The following PDZRN3 variants were observed in gnomAD, a reference collection of about 807,000 sequenced individuals.
The protein encoded by PDZRN3 is E3 ubiquitin-protein ligase PDZRN3.
Under a neutral mutation model 85.7 loss-of-function variants are expected in PDZRN3, and 38 were observed. That is an observed-to-expected ratio of 0.44 (90% confidence interval 0.34 to 0.58). The LOEUF (loss-of-function observed/expected upper bound fraction) is 0.58. Among genes scored for constraint, PDZRN3 ranks in the 20% least tolerant of loss-of-function variants. The probability of loss-of-function intolerance (pLI) is 0.01; values close to 1 mark genes in which losing one functional copy is unlikely to be tolerated. For missense variants in PDZRN3, 1,629 were observed against 1,506.4 expected (o/e 1.08, Z -1.35); for synonymous variants, 759 against 638.0 (o/e 1.19, Z -2.86).
At chr3:73,574,999 A>C (rs957117516) in intron 3 of PDZRN3, among the ~76,000 whole-genome samples, 1 of 152,198 alleles carries the variant, frequency 6.6e-6, no homozygotes, top group Admixed American at 6.5e-5. Flanking sequence ...TGTACAAGAG[A>C]GCAAAGTGAT....
chr3:73,464,900 T>G (rs1467074109), intron 3 of PDZRN3, among the ~76,000 whole-genome samples: 1 of 152,092 alleles, frequency 6.6e-6, no homozygotes, highest in Non-Finnish European at 1.5e-5. Context: ...CTCTTACCAC[T>G]TTTCAAGAAT....
chr3:73,555,124 A>AT lies in PDZRN3; in HGVS notation c.918+47229dup, dbSNP rs367867586. Among the ~76,000 whole-genome samples the AT allele has an allele frequency of 1.5e-3, 232 of 152,192 alleles. 2 individuals are homozygous for AT. Among genetic ancestry groups the AT allele is most frequent in the African/African-American group, 4.4e-3 (181 of 41,506 alleles). Reference sequence around the variant, plus strand: ...GGGGATTTATAGCCAATGTGTTGTTATTTTTTGAATCAGAGCCAGTAATTT... The same window carrying AT: ...GGGGATTTATAGCCAATGTGTTGTTATTTTTTTGAATCAGAGCCAGTAATTT... On this transcript the variant is annotated intron_variant, in intron 3 of 9. Transcript: ENST00000263666.
At chr3:73,586,194 C>T (rs1008449909) in intron 3 of PDZRN3, among the ~76,000 whole-genome samples, 3 of 152,218 alleles carry the variant, frequency 2.0e-5, no homozygotes, top group African/African-American at 4.8e-5. Flanking sequence ...CATTCCCCTG[C>T]TTCTAAAGAA....
At chr3:73,551,053 T>C (rs936277697) in intron 3 of PDZRN3, among the ~76,000 whole-genome samples, 2 of 152,226 alleles carry the variant, frequency 1.3e-5, no homozygotes, top group African/African-American at 4.8e-5. Context: ...TGTGATGTCA[T>C]TCATTTAAAT....
intron 5 of PDZRN3, among the ~76,000 whole-genome samples, chr3:73,395,685 C>T (rs1701621034): frequency 6.6e-6 from 1 of 152,214 alleles, no homozygotes; most frequent in African/African-American, 2.4e-5. Context: ...GTTATCTCAA[C>T]AGTTTCTGTA....
chr3:73,437,979 A>G (rs534942141), intron 3 of PDZRN3, among the ~76,000 whole-genome samples: 1 of 152,208 alleles, frequency 6.6e-6, no homozygotes, highest in Non-Finnish European at 1.5e-5. Context: ...CCCAGTAAAA[A>G]TGAAAAAACT....
chr3:73,537,544 T>C (rs1157886099), intron 3 of PDZRN3, among the ~76,000 whole-genome samples: 2 of 152,176 alleles, frequency 1.3e-5, no homozygotes, highest in Non-Finnish European at 2.9e-5. Context: ...CCACCTTCTA[T>C]GGAATGTTCT....
chr3:73,384,832 G>A lies in PDZRN3; in HGVS notation c.1734C>T (p.Thr578=), dbSNP rs149144362. ...DSGVGRTDES[T]RNDESSEQEN... ...CTTGCTCCGAGCTCTCGTCATTACG[G>A]GTGCTCTCGTCGGTCCGCCCCACAC... Residue 578 remains threonine, a synonymous_variant, in exon 10 of 10, where the codon ACC becomes ACT. Coordinates refer to ENST00000263666, the MANE Select transcript of PDZRN3 (RefSeq NM_015009.3). 2 of 1,614,152 alleles carry A rather than the reference G, an allele frequency of 1.2e-6. No homozygotes were observed. The highest frequency in any genetic ancestry group is 1.1e-5 in the South Asian group (1 of 91,086).
chr3:73,580,146 T>C (rs190074093), intron 3 of PDZRN3, among the ~76,000 whole-genome samples: 1 of 152,296 alleles, frequency 6.6e-6, no homozygotes, highest in East Asian at 1.9e-4. Flanking sequence ...AGGAAAAATA[T>C]CAATTTTCAG....
chr3:73,470,473 T>G (rs1004332346), intron 3 of PDZRN3, among the ~76,000 whole-genome samples: 5 of 152,086 alleles, frequency 3.3e-5, no homozygotes, highest in African/African-American at 1.2e-4. Context: ...GAGGAAAAGC[T>G]CAGGAAAGAG....
chr3:73,410,675 T>A (rs189051536), intron 3 of PDZRN3, among the ~76,000 whole-genome samples: 34 of 152,384 alleles, frequency 2.2e-4, no homozygotes, highest in African/African-American at 7.7e-4. Context: ...AAATGTAGAA[T>A]ACATCTGGCT....
intron 3 of PDZRN3, among the ~76,000 whole-genome samples, chr3:73,427,241 C>T (rs568980953): frequency 2.9e-4 from 44 of 152,146 alleles, no homozygotes; most frequent in Non-Finnish European, 5.9e-4. Flanking sequence ...CAGCACAGCT[C>T]GACTACATTT....
intron 3 of PDZRN3, among the ~76,000 whole-genome samples, chr3:73,418,691 G>A (rs1427252373): frequency 6.6e-6 from 1 of 152,172 alleles, no homozygotes; most frequent in Non-Finnish European, 1.5e-5. Context: ...CTATGGCTAT[G>A]CAGTTAAAAC....
At chr3:73,589,968 A>G (rs1267452503) in intron 3 of PDZRN3, among the ~76,000 whole-genome samples, 1 of 152,152 alleles carries the variant, frequency 6.6e-6, no homozygotes, top group African/African-American at 2.4e-5. Flanking sequence ...GAAAAATATT[A>G]TTTGTCAAAA....
intron 3 of PDZRN3, among the ~76,000 whole-genome samples, chr3:73,550,893 T>G (rs1174915623): frequency 3.3e-5 from 5 of 152,264 alleles, no homozygotes; most frequent in Admixed American, 1.3e-4. Context: ...GAAGTGTCTC[T>G]GCCCTGGAGA....
chr3:73,601,991 G>A (rs1007696002), intron 3 of PDZRN3, among the ~76,000 whole-genome samples: 6 of 152,146 alleles, frequency 3.9e-5, no homozygotes, highest in Admixed American at 6.6e-5. Context: ...TTGTACCCTG[G>A]TAATCAATAT....
chr3:73,538,369 A>G (rs1255140212), intron 3 of PDZRN3, among the ~76,000 whole-genome samples: 1 of 152,192 alleles, frequency 6.6e-6, no homozygotes, highest in East Asian at 1.9e-4. Context: ...CCTTACTGGC[A>G]AAGAAGAGCT....
chr3:73,524,279 T>C (rs540275627), intron 3 of PDZRN3, among the ~76,000 whole-genome samples: 29 of 152,242 alleles, frequency 1.9e-4, no homozygotes, highest in Non-Finnish European at 3.4e-4. Flanking sequence ...GCTTAATTTA[T>C]GTAAAGCAAG....
At chr3:73,491,434 C>T (rs1018051657) in intron 3 of PDZRN3, among the ~76,000 whole-genome samples, 1 of 152,038 alleles carries the variant, frequency 6.6e-6, no homozygotes, top group African/African-American at 2.4e-5. Flanking sequence ...CAAGAAGATG[C>T]AAATTTATAT....
Sources: allele counts gnomAD v4.1 joint callset (sites outside exome capture counted in the v4.1 genomes callset), GRCh38; gene constraint gnomAD v4.1.1; transcripts MANE v1.5; gene names NCBI Gene and HGNC (gene_info 2026-07-23, HGNC 2026-07-21).